BTD: variants seen among roughly 807,000 people sequenced by gnomAD.
BTD encodes biotinidase.
A neutral mutation model predicts 17.7 loss-of-function variants in BTD; 13 were observed. The ratio of observed to expected loss-of-function variants is 0.74; its 90% confidence interval spans 0.48 to 1.17. The LOEUF is 1.17. Ranked by LOEUF, BTD falls within the 50% of genes most tolerant of loss-of-function variation. The pLI, the probability that BTD is intolerant of heterozygous loss-of-function variation, is 0.00. For missense variants in BTD, 674 were observed against 650.4 expected, an observed-to-expected ratio of 1.04 and a Z score of -0.39; for synonymous variants, 240 against 245.2, an observed-to-expected ratio of 0.98 and a Z score of 0.20.
At chr3:15,654,409 C>T (rs1438829014), downstream of BTD, among the ~76,000 whole-genome samples, 1 of 151,756 alleles carries the variant, frequency 6.6e-6, no homozygotes, top group Non-Finnish European at 1.5e-5. Flanking sequence ...GATGCTTCAC[C>T]TCCTCCTAAG....
At chr3:15,631,555 A>T in intron 1 of BTD, 1 of 1,365,664 alleles carries the variant, frequency 7.3e-7, no homozygotes, top group Non-Finnish European at 1.0e-6. Flanking sequence ...CCAAATTTAC[A>T]TGAAATAGAT....
chr3:15,659,795 C>T (rs2065904810), intron 3 of BTD, among the ~76,000 whole-genome samples: 1 of 152,116 alleles, frequency 6.6e-6, no homozygotes, highest in South Asian at 2.1e-4. Context: ...GCAGTCTTCC[C>T]TTCAATCTCC....
chr3:15,635,659 G>C lies in BTD; in HGVS notation c.220G>C (p.Glu74Gln), dbSNP rs2065328619. The part of the protein sequence containing the change: ...ELMNQNLDIY[E>Q]QQVMTAAQKD... ...CATGAACCAGAACCTTGACATCTAT[G>C]AACAGCAAGTGATGACTGCAGCCCA... Residue 74 changes from glutamate to glutamine, a missense_variant, in exon 2 of 4, where the codon GAA becomes CAA. Transcript: ENST00000643237. This position sits in a 1 kb window ranked among gnomAD's most constrained non-coding sequence, Gnocchi z 4.1. 6.2e-7 allele frequency: 1 copy of C among 1,614,096 alleles called. No individual in the cohort carries two copies. The highest frequency in any genetic ancestry group is 1.3e-5 in the African/African-American group (1 of 74,942).
intron 3 of BTD, among the ~76,000 whole-genome samples, chr3:15,697,069 A>T (rs1308074155): frequency 2.0e-5 from 3 of 152,210 alleles, no homozygotes; most frequent in African/African-American, 7.2e-5. Flanking sequence ...ACGAGTGCGT[A>T]AAGAAAATGT....
chr3:15,601,969 A>G (rs2064268135), intron 1 of BTD, 75 bp downstream of exon 1: 4 of 1,589,656 alleles, frequency 2.5e-6, no homozygotes, highest in African/African-American at 1.3e-5. Flanking sequence ...CCGGGCGCCC[A>G]GTTGGACTTG....
intron 1 of BTD, among the ~76,000 whole-genome samples, chr3:15,604,655 A>T (rs2064388546): frequency 6.6e-6 from 1 of 152,164 alleles, no homozygotes; most frequent in Admixed American, 6.5e-5. Flanking sequence ...CAGATTTTTC[A>T]AATTTGTATG....
chr3:15,660,331 T>C (rs2065910365), intron 3 of BTD, among the ~76,000 whole-genome samples: 1 of 152,258 alleles, frequency 6.6e-6, no homozygotes, highest in African/African-American at 2.4e-5. Flanking sequence ...CTGCTATTCA[T>C]GTGGTTTTCT....
intron 2 of BTD, among the ~76,000 whole-genome samples, chr3:15,637,234 T>C (rs2065374427): frequency 6.6e-6 from 1 of 152,046 alleles, no homozygotes; most frequent in Non-Finnish European, 1.5e-5. Flanking sequence ...TTCCATGTTT[T>C]CTCTGTGCTC....
intron 3 of BTD, among the ~76,000 whole-genome samples, chr3:15,658,811 T>G (rs2065895828): frequency 1.3e-5 from 2 of 152,244 alleles, no homozygotes; most frequent in Admixed American, 6.5e-5. Flanking sequence ...TGCAGAATAC[T>G]TTTGGGAATC....
Position 15,650,109 on chromosome 3 carries a change from G to T in BTD, c.*4621G>T, listed in dbSNP as rs533987945. Among the ~76,000 whole-genome samples, 3 of 152,342 alleles carry T rather than the reference G, an allele frequency of 2.0e-5. No homozygotes were observed. In the East Asian group the frequency reaches 5.8e-4, roughly 29 times the overall value. On this transcript the variant is annotated 3_prime_UTR_variant, in exon 4 of 4. Transcript: ENST00000643237. ...TCATCTTTTGTCTCTGCAGCGTTCA[G>T]CATGGCACTGTCTTGGCTTACAAAA... is the stretch of plus-strand genomic sequence containing the variant.
At chr3:15,659,663 A>T (rs1156353728) in intron 3 of BTD, among the ~76,000 whole-genome samples, 1 of 152,200 alleles carries the variant, frequency 6.6e-6, no homozygotes. Flanking sequence ...AACGACTTCT[A>T]TTCACTCTAA....
At chr3:15,608,151 G>C (rs943511888) in intron 1 of BTD, among the ~76,000 whole-genome samples, 2 of 152,172 alleles carry the variant, frequency 1.3e-5, no homozygotes, top group Non-Finnish European at 1.5e-5. Context: ...GAGAAAGCTT[G>C]GATTCCTGCC....
Position 15,611,900 on chromosome 3 carries a change from A to G in BTD, c.-17+10006A>G, listed in dbSNP as rs78463207. Among the ~76,000 whole-genome samples, 683 of 151,894 alleles carry G rather than the reference A, an allele frequency of 4.5e-3. 7 individuals carry two copies. The highest frequency in any genetic ancestry group is 0.015 in the South Asian group (74 of 4,822). ...TCTTTTTTAAAAAAAATTCTTCTGC[A>G]TTTATAGATTTCTCTTTGTTTTGTA... On this transcript the variant is annotated intron_variant, in intron 1 of 3. Coordinates refer to ENST00000643237, the MANE Select transcript of BTD (RefSeq NM_001370658.1).
At chr3:15,607,417 A>G (rs1326781256) in intron 1 of BTD, among the ~76,000 whole-genome samples, 1 of 152,234 alleles carries the variant, frequency 6.6e-6, no homozygotes, top group African/African-American at 2.4e-5. Flanking sequence ...TCTCTGGGCC[A>G]GGGAGATATC....
chr3:15,641,855 C>T (rs1304545743), intron 2 of BTD, 53 bp from the exon 3 acceptor site: 16 of 1,304,512 alleles, frequency 1.2e-5, no homozygotes, highest in South Asian at 2.5e-5. Flanking sequence ...ATGAATGCAG[C>T]GGTTCTTCCT....
intron 1 of BTD, chr3:15,632,612 G>A (rs2065240248): frequency 6.6e-6 from 1 of 152,224 alleles, no homozygotes. Flanking sequence ...CTCTAAAGAT[G>A]GGTCAGCTGC....
chr3:15,707,994 T>C (rs2071688281), intron 3 of BTD: 1 of 1,611,884 alleles, frequency 6.2e-7, no homozygotes, highest in South Asian at 1.1e-5. Context: ...TCATTCACAC[T>C]TGCTCCTGAT....
chr3:15,629,878 T>G (rs2125429333), intron 1 of BTD: 2 of 230,858 alleles, frequency 8.7e-6, no homozygotes, highest in South Asian at 1.6e-4. Context: ...AGATGGAATT[T>G]TTACCATCTG....
intron 1 of BTD, among the ~76,000 whole-genome samples, chr3:15,621,198 A>C (rs930544306): frequency 6.6e-6 from 1 of 152,196 alleles, no homozygotes; most frequent in African/African-American, 2.4e-5. Flanking sequence ...TCATCTCCTC[A>C]TGCTGATCAC....
Sources: allele counts gnomAD v4.1 joint callset (sites outside exome capture counted in the v4.1 genomes callset), GRCh38; gene constraint gnomAD v4.1.1; non-coding constraint Gnocchi (gnomAD v3.1); transcripts MANE v1.5; gene names NCBI Gene and HGNC (gene_info 2026-07-23, HGNC 2026-07-21).